Variants in QKI observed in about 807,000 individuals in gnomAD.
QKI encodes the protein QKI, KH domain containing RNA binding.
Under a neutral mutation model 39.0 loss-of-function variants are expected in QKI, and 10 were observed. That is an observed-to-expected ratio of 0.26 (90% CI 0.16 to 0.43). The LOEUF is 0.43. Ranked by LOEUF, QKI falls within the 20% of genes least tolerant of loss-of-function variation. The pLI, the probability that QKI is intolerant of heterozygous loss-of-function variation, is 1.00. For missense variants in QKI, 218 were observed against 428.0 expected, an observed-to-expected ratio of 0.51 and a Z score of 4.33; for synonymous variants, 204 against 155.4, an observed-to-expected ratio of 1.31 and a Z score of -2.33.
At chr6:163,442,424 A>G (rs926480203) in intron 1 of QKI, among the ~76,000 whole-genome samples, 1 of 152,188 alleles carries the variant, frequency 6.6e-6, no homozygotes, top group Non-Finnish European at 1.5e-5. Context: ...CCTGAAACCA[A>G]AAAGTTTGAA....
chr6:163,565,321 A>T (rs779414238), intron 6 of QKI: 34 of 986,322 alleles, frequency 3.4e-5, no homozygotes, highest in Non-Finnish European at 4.0e-5. Flanking sequence ...CCGAGGAGTT[A>T]TGACTCTTGA....
At chr6:163,555,824 T>C (rs547636123) in intron 4 of QKI, among the ~76,000 whole-genome samples, 6 of 152,154 alleles carry the variant, frequency 3.9e-5, no homozygotes, top group East Asian at 3.9e-4. Flanking sequence ...GTGATTACTT[T>C]GTTGTAGTTT....
chr6:163,464,852 C>G (rs564627102), intron 2 of QKI, among the ~76,000 whole-genome samples: 4 of 152,300 alleles, frequency 2.6e-5, no homozygotes, highest in African/African-American at 9.6e-5. Context: ...CAGCATTACC[C>G]TTAACCAAAG....
intron 3 of QKI, among the ~76,000 whole-genome samples, chr6:163,500,825 A>G (rs58495293): frequency 0.02 from 3,082 of 152,280 alleles, 104 homozygotes; most frequent in African/African-American, 0.07. Flanking sequence ...GCTAGAGGCA[A>G]TATGTGAGCA....
Position 163,563,872 on chromosome 6 carries a change from A to G in QKI, c.934+153A>G, listed in dbSNP as rs188623192. The G allele has an allele frequency of 1.4e-3, 2,059 of 1,434,848 alleles. 4 individuals are homozygous for G. Among genetic ancestry groups the G allele is most frequent in the Non-Finnish European group, 1.8e-3 (1,948 of 1,099,398 alleles). 88.9% of individuals were successfully genotyped at this position (1,434,848 alleles called of 1,614,324 possible). On this transcript the variant is annotated intron_variant, in intron 6 of 7. Transcript: ENST00000361752. ...AAATTTTGTTTTATTTCAGCCTCTC[A>G]TAAGGGTTCCCCTTTGAAATAATTG...
intron 2 of QKI, among the ~76,000 whole-genome samples, chr6:163,456,044 G>T (rs1427707932): frequency 6.6e-6 from 1 of 152,048 alleles, no homozygotes. Context: ...TTACCACACT[G>T]TAGTCACATT....
intron 4 of QKI, among the ~76,000 whole-genome samples, chr6:163,540,623 T>C (rs1781449760): frequency 6.6e-6 from 1 of 152,196 alleles, no homozygotes; most frequent in Non-Finnish European, 1.5e-5. Flanking sequence ...GTAATTATAC[T>C]GCAAAAGTAA....
chr6:163,522,846 A>G (rs1780244939), intron 3 of QKI, among the ~76,000 whole-genome samples: 1 of 152,024 alleles, frequency 6.6e-6, no homozygotes, highest in African/African-American at 2.4e-5. Flanking sequence ...CGATTACATG[A>G]AGACAGCTGT....
chr6:163,555,664 A>G (rs1298935080), intron 4 of QKI, among the ~76,000 whole-genome samples: 1 of 152,146 alleles, frequency 6.6e-6, no homozygotes, highest in Non-Finnish European at 1.5e-5. Context: ...GACTAATGCA[A>G]AACATTTGCA....
At chr6:163,436,188 A>T (rs1428769533) in intron 1 of QKI, among the ~76,000 whole-genome samples, 1 of 152,244 alleles carries the variant, frequency 6.6e-6, no homozygotes, top group Non-Finnish European at 1.5e-5. Flanking sequence ...AGAAATGCTG[A>T]TGTAAAATAT....
chr6:163,529,981 G>C (rs1186744123), intron 3 of QKI, among the ~76,000 whole-genome samples: 1 of 152,162 alleles, frequency 6.6e-6, no homozygotes, highest in Non-Finnish European at 1.5e-5. Flanking sequence ...GAATTTGGAG[G>C]TCTAGAAATC....
chr6:163,437,089 T>C (rs1789357530), intron 1 of QKI, among the ~76,000 whole-genome samples: 1 of 152,206 alleles, frequency 6.6e-6, no homozygotes, highest in African/African-American at 2.4e-5. Flanking sequence ...TGAAGGAAGC[T>C]GTGGCAAGTT....
At chr6:163,444,707 A>T (rs1006222161) in intron 1 of QKI, among the ~76,000 whole-genome samples, 2 of 152,180 alleles carry the variant, frequency 1.3e-5, no homozygotes, top group Non-Finnish European at 2.9e-5. Flanking sequence ...ATGATTAGTA[A>T]TGATTGCTTA....
At chr6:163,523,696 A>C (rs1033440648) in intron 3 of QKI, among the ~76,000 whole-genome samples, 9 of 152,232 alleles carry the variant, frequency 5.9e-5, no homozygotes, top group Admixed American at 4.6e-4. Flanking sequence ...AAATACAGAA[A>C]TTAATATTTT....
At chr6:163,420,202 T>A (rs1483848089) in intron 1 of QKI, among the ~76,000 whole-genome samples, 2 of 145,418 alleles carry the variant, frequency 1.4e-5, no homozygotes, top group Admixed American at 6.7e-5. Context: ...TTTTTTTTTT[T>A]ATGGTTTGGT....
chr6:163,421,959 G>C (rs1220644474), intron 1 of QKI, among the ~76,000 whole-genome samples: 1 of 151,892 alleles, frequency 6.6e-6, no homozygotes, highest in African/African-American at 2.4e-5. Flanking sequence ...TGGCCAGGCT[G>C]ATCTTGAACT....
chr6:163,466,807 TG>T (rs1163964338), intron 2 of QKI, among the ~76,000 whole-genome samples: 1 of 152,166 alleles, frequency 6.6e-6, no homozygotes, highest in Non-Finnish European at 1.5e-5. Flanking sequence ...TATTTGATAC[TG>T]GTCTTGGTAA....
At chr6:163,546,342 A>G (rs1781873908) in intron 4 of QKI, among the ~76,000 whole-genome samples, 1 of 151,900 alleles carries the variant, frequency 6.6e-6, no homozygotes, top group African/African-American at 2.4e-5. Flanking sequence ...GTAATCATTC[A>G]CTTTATAGTA....
chr6:163,415,052 G>T lies in QKI; in HGVS notation c.-142G>T. ...GCGGTGCCGGCCGCCCCGGGGCTCG[G>T]CGCGGGAGCCAGAGCGGGAGCCGGC... On this transcript the variant is annotated 5_prime_UTR_variant, in exon 1 of 8. Transcript: ENST00000361752. 13 of 857,552 alleles carry T rather than the reference G, an allele frequency of 1.5e-5. No homozygotes were observed. Among genetic ancestry groups the T allele is most frequent in the Non-Finnish European group, 1.7e-5 (12 of 718,156 alleles). 53.1% of individuals were successfully genotyped at this position (857,552 alleles called of 1,614,324 possible).
Sources: gnomAD v4.1 joint callset for allele counts (sites outside exome capture counted in the v4.1 genomes callset) on GRCh38, gnomAD v4.1.1 for gene constraint, MANE v1.5 for transcripts, NCBI Gene and HGNC (gene_info 2026-07-23, HGNC 2026-07-21) for gene names.